PDE1A: variants seen among roughly 807,000 people sequenced by gnomAD.
The protein encoded by PDE1A is dual specificity calcium/calmodulin-dependent 3',5'-cyclic nucleotide phosphodiesterase 1A.
Under a neutral mutation model 61.7 loss-of-function variants are expected in PDE1A, and 35 were observed. That is an observed-to-expected ratio of 0.57 (90% CI 0.43 to 0.75). The LOEUF is 0.75. PDE1A is among the 30% of genes least tolerant of loss of function. The pLI, the probability that PDE1A is intolerant of heterozygous loss-of-function variation, is 0.00. For synonymous variants in PDE1A, 232 were observed against 213.2 expected, an observed-to-expected ratio of 1.09 and a Z score of -0.77; for missense variants, 597 against 630.6, an observed-to-expected ratio of 0.95 and a Z score of 0.57.
At chr2:182,232,621 C>A (rs1472426924) in intron 4 of PDE1A, among the ~76,000 whole-genome samples, 1 of 152,128 alleles carries the variant, frequency 6.6e-6, no homozygotes, top group East Asian at 1.9e-4. Flanking sequence ...TATTAAATTC[C>A]TTGCATTTGG....
At chr2:182,294,022 T>C (rs990526504) in intron 1 of PDE1A, among the ~76,000 whole-genome samples, 1 of 152,198 alleles carries the variant, frequency 6.6e-6, no homozygotes, top group Non-Finnish European at 1.5e-5. Context: ...GTAAGTAGCA[T>C]ATATAGCACA....
the PDE1A span, among the ~76,000 whole-genome samples, chr2:182,627,966 A>G: frequency 6.6e-6 from 1 of 151,884 alleles, no homozygotes; most frequent in Admixed American, 6.6e-5. Flanking sequence ...GAAAGAAAGA[A>G]AAAAGAAAAG....
the PDE1A span, among the ~76,000 whole-genome samples, chr2:182,644,783 A>C: frequency 6.6e-6 from 1 of 152,176 alleles, no homozygotes; most frequent in Non-Finnish European, 1.5e-5. Context: ...CTTCTTTCCC[A>C]GTTCTATTTA....
At chr2:182,700,721 C>CAAAA in the PDE1A span, among the ~76,000 whole-genome samples, 3,558 of 23,960 alleles carry the variant, frequency 0.15, 836 homozygotes, top group African/African-American at 0.38. Context: ...GACTCCATCT[C>CAAAA]AAAAAAAAAA....
chr2:182,455,385 G>C (rs1685837815), intron 2 of PDE1A, among the ~76,000 whole-genome samples: 1 of 152,006 alleles, frequency 6.6e-6, no homozygotes, highest in South Asian at 2.1e-4. Context: ...AATACCATTT[G>C]ACCCAGCCAT....
At chr2:182,293,356 A>T (rs1184532185) in intron 1 of PDE1A, among the ~76,000 whole-genome samples, 2 of 152,136 alleles carry the variant, frequency 1.3e-5, no homozygotes, top group Non-Finnish European at 2.9e-5. Flanking sequence ...TTTGATTTTA[A>T]AAAAAATCTT....
the PDE1A span, among the ~76,000 whole-genome samples, chr2:182,692,204 G>A: frequency 6.6e-6 from 1 of 152,058 alleles, no homozygotes; most frequent in African/African-American, 2.4e-5. Flanking sequence ...AAATCATGCT[G>A]CTATAAAGAC....
intron 2 of PDE1A, among the ~76,000 whole-genome samples, chr2:182,472,755 T>C (rs1054672000): frequency 6.8e-6 from 1 of 146,606 alleles, no homozygotes; most frequent in African/African-American, 2.4e-5. Flanking sequence ...TCAACTGCTA[T>C]TAAATTCACA....
the PDE1A span, among the ~76,000 whole-genome samples, chr2:182,655,945 C>T: frequency 6.6e-6 from 1 of 152,210 alleles, no homozygotes; most frequent in Non-Finnish European, 1.5e-5. Context: ...ATAAAGATCA[C>T]TTCAAAAACT....
chr2:182,578,318 C>A, the PDE1A span, among the ~76,000 whole-genome samples: 3 of 152,012 alleles, frequency 2.0e-5, no homozygotes, highest in African/African-American at 7.2e-5. Flanking sequence ...CTCTTTTATA[C>A]CTTATGTATC....
chr2:182,229,860 A>G, intron 6 of PDE1A, 146 bp downstream of exon 6: 1 of 487,716 alleles, frequency 2.1e-6, no homozygotes, highest in South Asian at 7.7e-5. Flanking sequence ...TAACACATTA[A>G]GCTTCAAAAA....
At chr2:182,386,717 G>A (rs997936090) in intron 1 of PDE1A, among the ~76,000 whole-genome samples, 37 of 150,778 alleles carry the variant, frequency 2.5e-4, no homozygotes, top group East Asian at 3.9e-4. Flanking sequence ...AGTGAGGAGC[G>A]TCTCCGCCCG....
chr2:182,553,344 C>A, the PDE1A span, among the ~76,000 whole-genome samples: 1 of 152,198 alleles, frequency 6.6e-6, no homozygotes, highest in East Asian at 1.9e-4. Flanking sequence ...GATTCTCCTG[C>A]CTCAGCCTCC....
chr2:182,180,157 A>G (rs1218242437), intron 13 of PDE1A, among the ~76,000 whole-genome samples: 1 of 152,146 alleles, frequency 6.6e-6, no homozygotes, highest in African/African-American at 2.4e-5. Context: ...AAAATTGATC[A>G]CTATGTTAGT....
intron 1 of PDE1A, among the ~76,000 whole-genome samples, chr2:182,363,547 G>A (rs1022808207): frequency 1.3e-5 from 2 of 151,982 alleles, no homozygotes; most frequent in Non-Finnish European, 2.9e-5. Context: ...GAGCCATGTG[G>A]ATGTCTGGGA....
At chr2:182,332,605 G>A (rs1057470032) in intron 1 of PDE1A, among the ~76,000 whole-genome samples, 10 of 151,874 alleles carry the variant, frequency 6.6e-5, no homozygotes, top group African/African-American at 1.5e-4. Flanking sequence ...TCATTTTCCC[G>A]CTGCAGGTCT....
the PDE1A span, among the ~76,000 whole-genome samples, chr2:182,607,768 G>A: frequency 1.3e-5 from 2 of 152,286 alleles, no homozygotes; most frequent in East Asian, 3.9e-4. Context: ...ATTCTAACAA[G>A]CACTTTACAG....
chr2:182,360,377 C>T (rs956694304), intron 1 of PDE1A, among the ~76,000 whole-genome samples: 1 of 152,072 alleles, frequency 6.6e-6, no homozygotes, highest in African/African-American at 2.4e-5. Flanking sequence ...TTTAATCTAA[C>T]TCAGTTTAGG....
At chr2:182,201,650 C>CAGAAA in intron 9 of PDE1A, 38 bp downstream of exon 9, 7 of 1,266,428 alleles carry the variant, frequency 5.5e-6, no homozygotes, top group Admixed American at 2.9e-5. Flanking sequence ...TTTAACATGA[C>CAGAAA]AAAAAAAAAA....
Sources: allele counts gnomAD v4.1 joint callset (sites outside exome capture counted in the v4.1 genomes callset), GRCh38; gene constraint gnomAD v4.1.1; transcripts MANE v1.5; gene names NCBI Gene and HGNC (gene_info 2026-07-23, HGNC 2026-07-21).